Variants in OOSP1 observed in about 807,000 individuals in gnomAD.
The protein encoded by OOSP1 is putative oocyte-secreted protein 1 homolog.
Under a neutral mutation model 5.7 loss-of-function variants are expected in OOSP1, and 11 were observed. The observed-to-expected ratio is 1.94, with a 90% confidence interval of 1.22 to 3.20. OOSP1 has a LOEUF of 3.20. Ranked by LOEUF, OOSP1 falls within the 30% of genes most tolerant of loss-of-function variation. The pLI is 0.00. For missense variants in OOSP1, 83 were observed against 54.1 expected, an observed-to-expected ratio of 1.53 and a Z score of -1.67; for synonymous variants, 44 against 20.0, an observed-to-expected ratio of 2.20 and a Z score of -3.20.
chr11:59,955,998 G>A (rs952089633), intron 4 of OOSP1, among the ~76,000 whole-genome samples: 2 of 152,046 alleles, frequency 1.3e-5, no homozygotes, highest in Non-Finnish European at 2.9e-5. Context: ...AGTACGTGGA[G>A]CTGTGCTAGG....
In OOSP1 at chr11:59,938,447, C is replaced by T. The variant is rs755915042; in HGVS notation, c.-8C>T. 1.4e-4 allele frequency: 77 copies of T among 556,936 alleles called. 1 individual carries two copies. The South Asian group carries it at 1.8e-3, about 13-fold the overall frequency. The allele number at this position is 556,936 out of a possible 1,614,324, so 34.5% of individuals were successfully genotyped here. A position where few individuals can be genotyped will look rare whatever the true frequency, so the allele number is the denominator to read the frequency against. On this transcript the variant is annotated 5_prime_UTR_variant, in exon 1 of 5. Coordinates refer to ENST00000646685, the Ensembl canonical transcript of OOSP1. ...TCCTGAGTGAGGTTTGGTTTTCAATCTGGGCAAATGAAGACCATTCTGGGG... is the reference window on the plus strand; with the variant it reads ...TCCTGAGTGAGGTTTGGTTTTCAATTTGGGCAAATGAAGACCATTCTGGGG...
At chr11:59,952,805 T>C in intron 4 of OOSP1, among the ~76,000 whole-genome samples, 1 of 152,188 alleles carries the variant, frequency 6.6e-6, no homozygotes, top group East Asian at 1.9e-4. Flanking sequence ...AAATTCCTGT[T>C]TCTTGTCAAA....
At chr11:59,941,962 A>G (rs976171361) in intron 1 of OOSP1, among the ~76,000 whole-genome samples, 1 of 152,174 alleles carries the variant, frequency 6.6e-6, no homozygotes, top group African/African-American at 2.4e-5. Context: ...ATAATGGCTG[A>G]TGATATTAAA....
chr11:59,948,603 T>C (rs1853910560), intron 4 of OOSP1: 1 of 394,466 alleles, frequency 2.5e-6, no homozygotes, highest in African/African-American at 2.1e-5. Context: ...TTCATTTCCA[T>C]ACATATACTT....
chr11:59,947,269 T>G (rs1177255126), intron 3 of OOSP1, among the ~76,000 whole-genome samples: 2 of 152,146 alleles, frequency 1.3e-5, no homozygotes, highest in Non-Finnish European at 1.5e-5. Context: ...GCTAACTCAA[T>G]GAGGTAGATA....
At chr11:59,955,020 GTAT>G (rs1853980659) in intron 4 of OOSP1, among the ~76,000 whole-genome samples, 1 of 151,688 alleles carries the variant, frequency 6.6e-6, no homozygotes, top group Non-Finnish European at 1.5e-5. Context: ...AACTAAGCCT[GTAT>G]CTAGTAGTGG....
At chr11:59,951,557 G>C (rs1345497336) in intron 4 of OOSP1, among the ~76,000 whole-genome samples, 1 of 152,024 alleles carries the variant, frequency 6.6e-6, no homozygotes, top group Non-Finnish European at 1.5e-5. Context: ...TATCATGAAG[G>C]CTCTCTTGGA....
At chr11:59,945,960 G>T (rs1053889877) in intron 3 of OOSP1, among the ~76,000 whole-genome samples, 5 of 151,898 alleles carry the variant, frequency 3.3e-5, no homozygotes, top group African/African-American at 1.2e-4. Context: ...GAAGTGGTCG[G>T]GGGAGGTGCT....
intron 2 of OOSP1, among the ~76,000 whole-genome samples, chr11:59,943,865 T>G (rs778845595): frequency 1.7e-4 from 26 of 152,238 alleles, no homozygotes; most frequent in Non-Finnish European, 3.7e-4. Context: ...AGTAAAATCT[T>G]GCTATGATAT....
chr11:59,941,844 G>A (rs540518450), intron 1 of OOSP1, among the ~76,000 whole-genome samples: 1 of 152,162 alleles, frequency 6.6e-6, no homozygotes, highest in Non-Finnish European at 1.5e-5. Flanking sequence ...CAATGTATGA[G>A]TGACCCAGTT....
intron 4 of OOSP1, among the ~76,000 whole-genome samples, chr11:59,950,016 T>G (rs1164757691): frequency 6.6e-6 from 1 of 152,150 alleles, no homozygotes; most frequent in Admixed American, 6.6e-5. Flanking sequence ...ACAAAGAGAT[T>G]TCCGGGCCCA....
chr11:59,945,308 C>T, intron 3 of OOSP1, 42 bp downstream of exon 3: 1 of 702,860 alleles, frequency 1.4e-6, no homozygotes, highest in South Asian at 1.5e-5. Flanking sequence ...CCCCTGGCTT[C>T]ATTTACTGTC....
intron 4 of OOSP1, among the ~76,000 whole-genome samples, chr11:59,951,320 C>T (rs975835639): frequency 2.0e-5 from 3 of 151,864 alleles, no homozygotes; most frequent in Non-Finnish European, 2.9e-5. Context: ...AGAGACAGAT[C>T]GCTGAGCACA....
At position 59,947,720 on chromosome 11, in the gene OOSP1, T is replaced by A; in HGVS notation, c.357-13T>A. The A allele has an allele frequency of 2.5e-6, 1 of 398,624 alleles. No individual in the cohort carries two copies. Among genetic ancestry groups the A allele is most frequent in the Non-Finnish European group, 4.4e-6 (1 of 225,778 alleles). The allele number at this position is 398,624 out of a possible 1,614,324, so 24.7% of individuals were successfully genotyped here. A position where few individuals can be genotyped will look rare whatever the true frequency, so the allele number is the denominator to read the frequency against. On this transcript the variant is annotated splice_polypyrimidine_tract_variant and intron_variant, in intron 3 of 4. Transcript: ENST00000646685. Reference sequence around the variant, plus strand: ...ACCACTATGTGATATTTTTCTATCTTCTCTTATTTTAGTCAGCATCATCTT... The same window carrying A: ...ACCACTATGTGATATTTTTCTATCTACTCTTATTTTAGTCAGCATCATCTT...
intron 3 of OOSP1, among the ~76,000 whole-genome samples, chr11:59,947,489 T>G (rs1415025576): frequency 6.6e-6 from 1 of 152,150 alleles, no homozygotes; most frequent in Non-Finnish European, 1.5e-5. Flanking sequence ...CAACATCATT[T>G]GCTGGTAGAT....
intron 4 of OOSP1, among the ~76,000 whole-genome samples, chr11:59,952,430 T>C (rs1325986707): frequency 6.6e-6 from 1 of 152,112 alleles, no homozygotes. Context: ...GGTCCATATA[T>C]ATACCATGGA....
chr11:59,952,335 A>G (rs1442218668), intron 4 of OOSP1, among the ~76,000 whole-genome samples: 13 of 152,148 alleles, frequency 8.5e-5, no homozygotes, highest in Admixed American at 7.9e-4. Flanking sequence ...GAAGACATGT[A>G]TGCTTATAGC....
At chr11:59,954,096 C>G (rs1590894548) in intron 4 of OOSP1, among the ~76,000 whole-genome samples, 1 of 152,132 alleles carries the variant, frequency 6.6e-6, no homozygotes, top group Non-Finnish European at 1.5e-5. Context: ...CTGCAGGCAA[C>G]TGTATCACAT....
intron 4 of OOSP1, among the ~76,000 whole-genome samples, chr11:59,951,489 C>G (rs1416805897): frequency 1.3e-5 from 2 of 152,058 alleles, no homozygotes; most frequent in Non-Finnish European, 2.9e-5. Context: ...TCACACGAGG[C>G]AGCGGGTGGG....
Sources: gnomAD v4.1 joint callset for allele counts (sites outside exome capture counted in the v4.1 genomes callset) on GRCh38, gnomAD v4.1.1 for gene constraint, MANE v1.5 for transcripts, NCBI Gene and HGNC (gene_info 2026-07-23, HGNC 2026-07-21) for gene names.